The following CELF2 variants were observed in gnomAD, a reference collection of about 807,000 sequenced individuals.
CELF2 encodes CUGBP Elav-like family member 2.
A neutral mutation model predicts 62.6 loss-of-function variants in CELF2; 8 were observed. The ratio of observed to expected loss-of-function variants is 0.13; its 90% CI spans 0.07 to 0.23. CELF2 has a LOEUF of 0.23. Ranked by LOEUF, CELF2 falls within the 10% of genes least tolerant of loss-of-function variation. The pLI is 1.00. For synonymous variants in CELF2, 258 were observed against 250.0 expected (o/e 1.03, Z -0.30); for missense variants, 333 against 671.0 (o/e 0.50, Z 5.56).
chr10:11,325,050 G>A (rs776384157), intron 11 of CELF2, among the ~76,000 whole-genome samples: 4 of 152,174 alleles, frequency 2.6e-5, no homozygotes, highest in Non-Finnish European at 4.4e-5. Flanking sequence ...GAGGAAAAGC[G>A]AGGGCAGCTT....
At chr10:11,160,701 G>A (rs563465617) in intron 1 of CELF2, among the ~76,000 whole-genome samples, 3 of 151,124 alleles carry the variant, frequency 2.0e-5, no homozygotes, top group South Asian at 4.2e-4. Context: ...TAACTACCAG[G>A]CAGATTTTCT....
intron 2 of CELF2, among the ~76,000 whole-genome samples, chr10:11,201,521 A>G (rs375307103): frequency 6.6e-6 from 1 of 152,238 alleles, no homozygotes; most frequent in African/African-American, 2.4e-5. Context: ...CTGGCTCTTA[A>G]GCAGCACAGG....
Position 11,214,801 on chromosome 10 carries a change from A to G in CELF2, c.272-2624A>G, listed in dbSNP as rs1161025437. 6.6e-6 allele frequency among the ~76,000 whole-genome samples: 1 copy of G among 152,246 alleles called. No homozygotes were observed. The highest frequency in any genetic ancestry group is 2.4e-5 in the African/African-American group (1 of 41,468). On this transcript the variant is annotated intron_variant, in intron 2 of 12. Transcript: ENST00000633077. This position sits in a 1 kb window ranked among gnomAD's most constrained non-coding sequence, Gnocchi z 4.2. ...ACTGAAACACTTAAGAACTATGCAT[A>G]GTTGGAAGAGGATCTGTAGTGATAA...
chr10:10,830,431 A>C (rs886450272), intron 1 of CELF2, among the ~76,000 whole-genome samples: 2 of 152,184 alleles, frequency 1.3e-5, no homozygotes, highest in Non-Finnish European at 2.9e-5. Flanking sequence ...CTATTTCCTA[A>C]AAGCTTAAAA....
At chr10:10,701,145 C>T in the CELF2 span, among the ~76,000 whole-genome samples, 1 of 152,224 alleles carries the variant, frequency 6.6e-6, no homozygotes, top group Admixed American at 6.5e-5. Flanking sequence ...TGCACGAAGG[C>T]CCAGCCAGAG....
intron 2 of CELF2, among the ~76,000 whole-genome samples, chr10:10,965,121 G>A (rs925933262): frequency 6.6e-6 from 1 of 152,018 alleles, no homozygotes; most frequent in Non-Finnish European, 1.5e-5. Context: ...AGAATATCTT[G>A]CCTTTCCATC....
rs2088249102 is a variant in CELF2 at position 11,280,858 on chromosome 10, G to C, written c.841+5738G>C. ...TAGGGCTCTGAAGGGCTGCTCTCTA[G>C]GGCTTCCTGGCGCCAGCCTCCACTG... On this transcript the variant is annotated intron_variant, in intron 8 of 12. Coordinates refer to ENST00000633077, the MANE Select transcript of CELF2 (RefSeq NM_001326342.2). The surrounding 1 kb of genome is among the most constrained non-coding windows in gnomAD (Gnocchi z 7.6). 6.6e-6 allele frequency among the ~76,000 whole-genome samples: 1 copy of C among 152,170 alleles called. No homozygotes were observed. Among genetic ancestry groups the C allele is most frequent in the Non-Finnish European group, 1.5e-5 (1 of 68,028 alleles).
At chr10:10,498,770 T>C in the CELF2 span, among the ~76,000 whole-genome samples, 3 of 152,226 alleles carry the variant, frequency 2.0e-5, no homozygotes, top group African/African-American at 7.2e-5. Flanking sequence ...GCAGCAAAAA[T>C]TTGATTAACT....
At chr10:11,115,521 A>G (rs17447321) in intron 1 of CELF2, among the ~76,000 whole-genome samples, 8,445 of 152,280 alleles carry the variant, frequency 0.055, 280 homozygotes, top group Middle Eastern at 0.065. Context: ...TCAGATATGA[A>G]GTAAATTTAG....
In CELF2 at chr10:11,008,074, G is replaced by A. The variant is rs1419645728; in HGVS notation, c.53+2634G>A. ...TGATAGGGACGGTGTGAGGTTGCCC[G>A]AAGCTGGCAAACTTGTCTACATCTA... On this transcript the variant is annotated intron_variant, in intron 1 of 12. Coordinates refer to the CELF2 transcript ENST00000416382. The surrounding 1 kb of genome is among the most constrained non-coding windows in gnomAD (Gnocchi z 4.5). Among the ~76,000 whole-genome samples the A allele has an allele frequency of 1.3e-5, 2 of 152,090 alleles. No homozygotes were observed. Among genetic ancestry groups the A allele is most frequent in the African/African-American group, 2.4e-5 (1 of 41,410 alleles).
At chr10:10,565,908 G>C in the CELF2 span, among the ~76,000 whole-genome samples, 2 of 152,220 alleles carry the variant, frequency 1.3e-5, no homozygotes, top group African/African-American at 4.8e-5. Context: ...TAATGAGGCA[G>C]TGGAGGTTGC....
chr10:10,811,772 G>A (rs2055920805), intron 1 of CELF2, among the ~76,000 whole-genome samples: 1 of 152,156 alleles, frequency 6.6e-6, no homozygotes, highest in South Asian at 2.1e-4. Context: ...TGAGCTGTTA[G>A]AAACTACGTC....
rs543345866 is a variant in CELF2, at chr10:11,102,625, C to T, written c.75-62861C>T. Among the ~76,000 whole-genome samples the T allele has an allele frequency of 8.9e-4, 136 of 152,328 alleles. 2 individuals are homozygous for T. The highest frequency in any genetic ancestry group is 1.5e-3 in the Non-Finnish European group (101 of 68,030). On this transcript the variant is annotated intron_variant, in intron 1 of 12. Coordinates refer to ENST00000633077, the MANE Select transcript of CELF2 (RefSeq NM_001326342.2). ...CAGCCATGCTGGTGGCTTCAGACAG[C>T]GTCCTTGGAACTCTTGACTTTTACA...
chr10:10,633,865 T>C, the CELF2 span, among the ~76,000 whole-genome samples: 1 of 152,154 alleles, frequency 6.6e-6, no homozygotes, highest in African/African-American at 2.4e-5. Flanking sequence ...TTTTAATATA[T>C]GACCAAGATA....
chr10:10,853,437 C>T (rs566609562), intron 1 of CELF2, among the ~76,000 whole-genome samples: 2 of 151,982 alleles, frequency 1.3e-5, no homozygotes, highest in Admixed American at 6.5e-5. Context: ...CTGGGGAATT[C>T]AGAGAATCCA....
chr10:10,618,626 T>A, the CELF2 span, among the ~76,000 whole-genome samples: 1 of 152,088 alleles, frequency 6.6e-6, no homozygotes, highest in Non-Finnish European at 1.5e-5. Context: ...GTAAGTTCCC[T>A]GAGGACAGGA....
chr10:11,252,644 C>T (rs1475185978), intron 4 of CELF2, among the ~76,000 whole-genome samples: 1 of 152,226 alleles, frequency 6.6e-6, no homozygotes, highest in Admixed American at 6.5e-5. Context: ...CTTCCCGAGT[C>T]TCCATGGCTT....
At chr10:11,128,078 C>T (rs2059020286) in intron 1 of CELF2, among the ~76,000 whole-genome samples, 1 of 152,168 alleles carries the variant, frequency 6.6e-6, no homozygotes, top group African/African-American at 2.4e-5. Flanking sequence ...GGATGGGATC[C>T]AGTTTCAGCT....
chr10:10,651,429 A>T, the CELF2 span, among the ~76,000 whole-genome samples: 3 of 141,104 alleles, frequency 2.1e-5, no homozygotes, highest in Admixed American at 2.1e-4. Flanking sequence ...GGCACAGACA[A>T]ACAAAAAGAC....
Sources: allele counts gnomAD v4.1 joint callset (sites outside exome capture counted in the v4.1 genomes callset), GRCh38; gene constraint gnomAD v4.1.1; non-coding constraint Gnocchi (gnomAD v3.1); transcripts MANE v1.5; gene names NCBI Gene and HGNC (gene_info 2026-07-23, HGNC 2026-07-21).